PTPN22: variants seen among roughly 807,000 people sequenced by gnomAD.
PTPN22 encodes protein tyrosine phosphatase non-receptor type 22.
A neutral mutation model predicts 103.3 loss-of-function variants in PTPN22; 85 were observed. That is an observed-to-expected ratio of 0.82 (90% CI 0.69 to 0.99). The LOEUF is 0.99. PTPN22 is among the 50% of genes least tolerant of loss of function. The probability of loss-of-function intolerance (pLI) is 0.00; values close to 1 mark genes in which losing one functional copy is unlikely to be tolerated. For missense variants in PTPN22, 865 were observed against 936.9 expected (o/e 0.92, Z 1.00); for synonymous variants, 323 against 310.2 (o/e 1.04, Z -0.43).
intron 18 of PTPN22, among the ~76,000 whole-genome samples, chr1:113,829,324 G>T (rs555778150): frequency 4.1e-4 from 63 of 151,936 alleles, no homozygotes; most frequent in Middle Eastern, 6.8e-3. Context: ...TGTCACAAGG[G>T]TTTGCTGTAC....
intron 15 of PTPN22, among the ~76,000 whole-genome samples, chr1:113,833,609 TTTAA>T (rs1213516876): frequency 2.6e-5 from 4 of 152,222 alleles, no homozygotes; most frequent in African/African-American, 9.6e-5. Context: ...CTTTAAAATG[TTTAA>T]TTATTTTTCT....
At chr1:113,857,169 C>T (rs546907595) in intron 5 of PTPN22, among the ~76,000 whole-genome samples, 1 of 152,242 alleles carries the variant, frequency 6.6e-6, no homozygotes, top group South Asian at 2.1e-4. Context: ...TTTACTAAGT[C>T]TTCAAAATCC....
chr1:113,838,332 AAAG>A, exon 13 of PTPN22: 1 of 1,609,268 alleles, frequency 6.2e-7, no homozygotes, highest in East Asian at 2.2e-5. Context: ...CAGAAGTCCT[AAAG>A]TCAAAGGAAG....
Position 113,863,957 on chromosome 1 carries a change from C to T in PTPN22, c.88-4497G>A, listed in dbSNP as rs537214096. Among the ~76,000 whole-genome samples the T allele has an allele frequency of 2.0e-5, 3 of 148,738 alleles. No individual in the cohort carries two copies. The South Asian group carries it at 6.3e-4, about 31-fold the overall frequency. ...TTTTTGACATGGGATCTCACTCTGT[C>T]ATCCAGGCTAGAGTGCAGTGGCGCG... On this transcript the variant is annotated intron_variant, in intron 1 of 20. Transcript: ENST00000359785.
At chr1:113,834,829 C>T in intron 14 of PTPN22, 81 bp downstream of exon 14, 1 of 1,153,172 alleles carries the variant, frequency 8.7e-7, no homozygotes, top group Non-Finnish European at 1.3e-6. Context: ...CACACATCAG[C>T]TTCCCAAAGT....
chr1:113,849,574 C>T, intron 10 of PTPN22, among the ~76,000 whole-genome samples: 1 of 130,252 alleles, frequency 7.7e-6, no homozygotes, highest in South Asian at 3.2e-4. Flanking sequence ...TTAGTATGCT[C>T]TTTATTTATT....
intron 19 of PTPN22, among the ~76,000 whole-genome samples, 176 bp downstream of exon 19, chr1:113,824,966 C>G (rs1273105609): frequency 1.5e-5 from 1 of 65,152 alleles, no homozygotes; most frequent in Non-Finnish European, 3.0e-5. Context: ...TGAAGCCTAG[C>G]AAAAAAAAAA....
At chr1:113,835,273 C>T (rs1662884537) in intron 13 of PTPN22, among the ~76,000 whole-genome samples, 1 of 152,176 alleles carries the variant, frequency 6.6e-6, no homozygotes, top group Admixed American at 6.5e-5. Context: ...AATCCCAGCA[C>T]TTTCGGAGGC....
intron 16 of PTPN22, among the ~76,000 whole-genome samples, chr1:113,830,491 G>A (rs909894913): frequency 6.6e-6 from 1 of 152,134 alleles, no homozygotes; most frequent in Admixed American, 6.5e-5. Context: ...AAAAAAAGAA[G>A]GGAGAACTGT....
chr1:113,858,884 C>T (rs190085605), intron 3 of PTPN22, 118 bp downstream of exon 3: 21 of 1,452,760 alleles, frequency 1.4e-5, no homozygotes, highest in Non-Finnish European at 8.2e-6. Flanking sequence ...AGTGATCTTT[C>T]CGCCTCAGCC....
rs561276645 is a variant in PTPN22 at position 113,834,186 on chromosome 1, T to C, written c.2025+123A>G. The stretch of plus-strand genomic sequence containing the variant: ...ACATCCTTTTTATCCCAACATCCTC[T>C]AGCACATTGTTCTATATTTAGTATG... On this transcript the variant is annotated intron_variant, in intron 15 of 20. Transcript: ENST00000359785. 11 of 1,059,710 alleles carry C rather than the reference T, an allele frequency of 1.0e-5. No homozygotes were observed. In the South Asian group the frequency reaches 1.6e-4, roughly 16 times the overall value. The allele number at this position is 1,059,710 out of a possible 1,614,324, so 65.6% of individuals were successfully genotyped here. A position where few individuals can be genotyped will look rare whatever the true frequency, so the allele number is the denominator to read the frequency against.
intron 13 of PTPN22, among the ~76,000 whole-genome samples, chr1:113,836,660 G>T (rs928776109): frequency 4.6e-5 from 7 of 152,146 alleles, no homozygotes; most frequent in Non-Finnish European, 8.8e-5. Flanking sequence ...AGGTGTGGTG[G>T]CTTGCACCTG....
chr1:113,837,740 G>A (rs1663145825), exon 13 of PTPN22: 2 of 1,613,246 alleles, frequency 1.2e-6, no homozygotes, highest in Admixed American at 1.7e-5. Flanking sequence ...TGCTTCTCAG[G>A]TAAATCAAGA....
At chr1:113,868,738 T>C (rs1666322734) in intron 1 of PTPN22, among the ~76,000 whole-genome samples, 1 of 151,900 alleles carries the variant, frequency 6.6e-6, no homozygotes, top group South Asian at 2.1e-4. Flanking sequence ...CAGGGGCAGA[T>C]GGGTGTAGGG....
At chr1:113,871,666 G>A (rs761346112) in exon 1 of PTPN22, 2 of 1,574,130 alleles carry the variant, frequency 1.3e-6, no homozygotes, top group Non-Finnish European at 1.7e-6. Context: ...GTTGAGGGAG[G>A]GCATGTCAAA....
intron 7 of PTPN22, among the ~76,000 whole-genome samples, chr1:113,855,870 C>T (rs891677192): frequency 2.6e-5 from 4 of 152,228 alleles, no homozygotes; most frequent in Non-Finnish European, 5.9e-5. Context: ...AGAAGCTGGG[C>T]AGGGCCTAGG....
At position 113,858,160 on chromosome 1, in the gene PTPN22, C is replaced by T. The variant is rs776522630; in HGVS notation, c.369+318G>A. The T allele has an allele frequency of 2.4e-5, 5 of 210,420 alleles. No homozygotes were observed. In the East Asian group the frequency reaches 3.3e-4, roughly 14 times the overall value. The allele number at this position is 210,420 out of a possible 1,614,324, so 13.0% of individuals were successfully genotyped here. On this transcript the variant is annotated intron_variant, in intron 4 of 20. Coordinates refer to ENST00000359785, the Ensembl canonical transcript of PTPN22. ...GCAGTCTCAACCTCATGGGCTCAAG[C>T]GATTCTCCCATATCAGCTTCCCCAG...
intron 19 of PTPN22, among the ~76,000 whole-genome samples, chr1:113,824,163 G>A (rs927995560): frequency 7.3e-5 from 11 of 151,160 alleles, no homozygotes; most frequent in Admixed American, 3.3e-4. Context: ...GTGCAGTGGC[G>A]CAATCTTGGC....
chr1:113,854,522 C>G lies in PTPN22; in HGVS notation c.699G>C (p.Arg233Ser). The change falls in exon 9 of 21, where the codon AGG becomes AGC. Residue 233 changes from arginine (R) to serine (S), a missense_variant. Physicochemically the swap from Arg to Ser is moderately radical, Grantham distance 110. This residue lies in a region of PTPN22 where 457 missense variants were observed against 529.1 expected (regional missense o/e 0.86). Transcript: ENST00000359785. ...AATCAATAGCACAAATAACACCAGT[C>G]CTTCCACAGCCAGCACTGAAATGAA... The G allele has an allele frequency of 1.9e-6, 3 of 1,613,732 alleles. No homozygotes were observed. Among genetic ancestry groups the G allele is most frequent in the Non-Finnish European group, 2.5e-6 (3 of 1,179,606 alleles).
Sources: gnomAD v4.1 joint callset for allele counts (sites outside exome capture counted in the v4.1 genomes callset) on GRCh38, gnomAD v4.1.1 for gene constraint, gnomAD v4.1.1 regional missense constraint, MANE v1.5 for transcripts, NCBI Gene and HGNC (gene_info 2026-07-23, HGNC 2026-07-21) for gene names.